TRPC5: variants seen among roughly 807,000 people sequenced by gnomAD.
The protein encoded by TRPC5 is short transient receptor potential channel 5.
TRPC5 carries 9 observed loss-of-function variants against 56.5 expected under a neutral mutation model. That is an observed-to-expected ratio of 0.16 (90% confidence interval 0.10 to 0.28). The LOEUF is 0.28. Among genes scored for constraint, TRPC5 ranks in the 10% least tolerant of loss-of-function variants. TRPC5 has a pLI of 1.00. For synonymous variants in TRPC5, 282 were observed against 278.5 expected (o/e 1.01, Z -0.13); for missense variants, 469 against 748.9 (o/e 0.63, Z 4.36).
chrX:111,998,472 T>C (rs73548141), intron 1 of TRPC5, among the ~76,000 whole-genome samples: 8,560 of 111,345 alleles, frequency 0.077, 809 homozygotes, highest in African/African-American at 0.26. Context: ...TCAGTATATG[T>C]GAAGGGTTGG....
At chrX:111,800,077 A>G (rs1048359141) in intron 7 of TRPC5, among the ~76,000 whole-genome samples, 2 of 111,109 alleles carry the variant, frequency 1.8e-5, no homozygotes, top group African/African-American at 6.6e-5. Flanking sequence ...ATATAGAAAA[A>G]TTTTTACAGA....
rs190482907 is a variant in TRPC5, at chrX:112,066,381, C to T, written c.-22+15498G>A. ...TGTTAGGCCCTGGGAATACGGTGTACGGTGGTGAACCAGAAAGGTCTGGCC... is the reference window on the plus strand; with the variant it reads ...TGTTAGGCCCTGGGAATACGGTGTATGGTGGTGAACCAGAAAGGTCTGGCC... On this transcript the variant is annotated intron_variant, in intron 1 of 10. Transcript: ENST00000262839. 4.1e-4 allele frequency among the ~76,000 whole-genome samples: 46 copies of T among 111,876 alleles called. 1 individual carries two copies. The highest frequency in any genetic ancestry group is 1.3e-3 in the African/African-American group (39 of 30,868).
intron 1 of TRPC5, among the ~76,000 whole-genome samples, chrX:111,958,133 A>G (rs1927282709): frequency 8.9e-6 from 1 of 111,770 alleles, no homozygotes; most frequent in Non-Finnish European, 1.9e-5. Context: ...ATGTGATCAC[A>G]TAGGGGTCCT....
At position 111,776,748 on chromosome X, in the gene TRPC5, A is replaced by G. The variant is rs770838636; in HGVS notation, c.2487T>C (p.Ala829=). Reference sequence around the variant, plus strand: ...TGAAGGAGCGTTTGCTTGATGACTCAGCTTTTGACTTTCCTTGGGCACCAC... The same window carrying G: ...TGAAGGAGCGTTTGCTTGATGACTCGGCTTTTGACTTTCCTTGGGCACCAC... ...RSSGAQGKSK[A]ESSSKRSFMG... The change falls in exon 11 of 11, where the codon GCT becomes GCC. Residue 829 remains alanine (A), a synonymous_variant. Transcript: ENST00000262839. 5 of 1,209,299 alleles carry G rather than the reference A, an allele frequency of 4.1e-6. No homozygotes were observed. In the African/African-American group the frequency reaches 8.8e-5, roughly 21 times the overall value.
intron 2 of TRPC5, among the ~76,000 whole-genome samples, chrX:111,923,377 A>T (rs1446391293): frequency 8.9e-6 from 1 of 111,818 alleles, no homozygotes; most frequent in Non-Finnish European, 1.9e-5. Flanking sequence ...GAGGCCCTGA[A>T]GTTTTCAAAA....
intron 7 of TRPC5, among the ~76,000 whole-genome samples, chrX:111,791,805 G>T (rs1273284081): frequency 1.8e-5 from 2 of 112,198 alleles, no homozygotes; most frequent in South Asian, 7.4e-4. Context: ...CAGCTTGGAA[G>T]TGATACCCTG....
chrX:111,801,759 G>A (rs964955496), intron 7 of TRPC5, among the ~76,000 whole-genome samples: 3 of 112,192 alleles, frequency 2.7e-5, no homozygotes, highest in South Asian at 3.7e-4. Flanking sequence ...TTATTGAGAC[G>A]TAAACATTGT....
At chrX:111,887,739 A>G in intron 3 of TRPC5, among the ~76,000 whole-genome samples, 1 of 112,085 alleles carries the variant, frequency 8.9e-6, no homozygotes. Context: ...ATAAAAATGT[A>G]AGGAATTATT....
At chrX:111,913,348 G>A (rs1290101256) in intron 2 of TRPC5, among the ~76,000 whole-genome samples, 1 of 111,415 alleles carries the variant, frequency 9.0e-6, no homozygotes, top group Non-Finnish European at 1.9e-5. Flanking sequence ...AGTTCCAAAT[G>A]AGCAGTAGAG....
chrX:111,782,820 C>CACACACACACACACACAA (rs1945931091), intron 7 of TRPC5, among the ~76,000 whole-genome samples: 1 of 108,897 alleles, frequency 9.2e-6, no homozygotes, highest in Non-Finnish European at 1.9e-5. Context: ...CACACACACA[C>CACACACACACACACACAA]ACACACACAC....
At chrX:111,976,865 A>T (rs867171127) in intron 1 of TRPC5, among the ~76,000 whole-genome samples, 8 of 100,396 alleles carry the variant, frequency 8.0e-5, no homozygotes, top group South Asian at 7.9e-4. Context: ...AAGAAAAATT[A>T]AAAAAAAAAA....
chrX:111,914,467 C>T (rs1287337906), intron 2 of TRPC5, among the ~76,000 whole-genome samples: 1 of 111,980 alleles, frequency 8.9e-6, no homozygotes, highest in East Asian at 2.8e-4. Context: ...GCCTCCCTCC[C>T]ACCTTGCACG....
At chrX:111,911,936 AATT>A (rs1411315536) in intron 3 of TRPC5, among the ~76,000 whole-genome samples, 2 of 111,678 alleles carry the variant, frequency 1.8e-5, no homozygotes, top group African/African-American at 6.5e-5. Context: ...CTTAGTAGGT[AATT>A]ATGTATTCAT....
intron 1 of TRPC5, among the ~76,000 whole-genome samples, chrX:112,056,205 C>CA (rs1343830559): frequency 8.9e-6 from 1 of 111,807 alleles, no homozygotes; most frequent in Non-Finnish European, 1.9e-5. Flanking sequence ...TCACCTCCAT[C>CA]AGTGGACACT....
chrX:111,825,922 C>T (rs891534014), intron 7 of TRPC5, among the ~76,000 whole-genome samples: 2 of 111,982 alleles, frequency 1.8e-5, no homozygotes, highest in African/African-American at 6.5e-5. Context: ...TTCCTCCTAC[C>T]ATCTGATTGG....
At chrX:111,988,317 T>C (rs898851903) in intron 1 of TRPC5, among the ~76,000 whole-genome samples, 12 of 110,752 alleles carry the variant, frequency 1.1e-4, no homozygotes, top group African/African-American at 4.0e-4. Context: ...AGGTGCCATA[T>C]GCCTGTCAGT....
intron 1 of TRPC5, among the ~76,000 whole-genome samples, chrX:112,008,614 A>AT (rs1213097068): frequency 5.6e-5 from 6 of 106,584 alleles, no homozygotes; most frequent in African/African-American, 2.1e-4. Context: ...AAAAAAAAAA[A>AT]ATATAGAGAG....
chrX:111,845,497 G>GT (rs1922900792), intron 6 of TRPC5, among the ~76,000 whole-genome samples: 1 of 111,739 alleles, frequency 8.9e-6, no homozygotes, highest in Non-Finnish European at 1.9e-5. Flanking sequence ...CAACAGGGGT[G>GT]TTAATAATCA....
At chrX:111,952,991 T>C (rs1206071159) in intron 1 of TRPC5, among the ~76,000 whole-genome samples, 1 of 111,888 alleles carries the variant, frequency 8.9e-6, no homozygotes, top group African/African-American at 3.3e-5. Context: ...TTTGGCCAAT[T>C]TCCTTCAGGC....
Sources: gnomAD v4.1 joint callset for allele counts (sites outside exome capture counted in the v4.1 genomes callset) on GRCh38, gnomAD v4.1.1 for gene constraint, MANE v1.5 for transcripts, NCBI Gene and HGNC (gene_info 2026-07-23, HGNC 2026-07-21) for gene names.